The following SERGEF variants were observed in gnomAD, a reference collection of about 807,000 sequenced individuals.
SERGEF encodes the protein secretion-regulating guanine nucleotide exchange factor.
Under a neutral mutation model 50.0 loss-of-function variants are expected in SERGEF, and 51 were observed. That is an observed-to-expected ratio of 1.02 (90% confidence interval 0.81 to 1.29). The LOEUF (loss-of-function observed/expected upper bound fraction) is 1.29, where lower values mean the gene tolerates loss of function less well. SERGEF is among the 50% of genes most tolerant of loss of function. The pLI is 0.00. For synonymous variants in SERGEF, 205 were observed against 212.4 expected, an observed-to-expected ratio of 0.97 and a Z score of 0.30; for missense variants, 521 against 557.0, an observed-to-expected ratio of 0.94 and a Z score of 0.65.
chr11:17,825,550 T>C (rs1009256609), intron 10 of SERGEF, among the ~76,000 whole-genome samples: 6 of 152,222 alleles, frequency 3.9e-5, no homozygotes, highest in African/African-American at 1.4e-4. Context: ...TCCTGGAAAG[T>C]ACCATTTTCT....
chr11:18,008,403 C>G (rs1854127247), intron 1 of SERGEF, among the ~76,000 whole-genome samples: 1 of 152,144 alleles, frequency 6.6e-6, no homozygotes. Context: ...AGGTAGGCAC[C>G]CTGGCAGGCT....
At chr11:17,972,309 A>T (rs1853263864) in intron 8 of SERGEF, among the ~76,000 whole-genome samples, 1 of 152,224 alleles carries the variant, frequency 6.6e-6, no homozygotes, top group Non-Finnish European at 1.5e-5. Context: ...TTGTGAAAGG[A>T]AGAGTTCAAC....
At chr11:17,876,673 C>A (rs1227305463) in intron 10 of SERGEF, among the ~76,000 whole-genome samples, 1 of 152,236 alleles carries the variant, frequency 6.6e-6, no homozygotes, top group Non-Finnish European at 1.5e-5. Context: ...TCAGCTCAGC[C>A]TGCTGCTTTG....
chr11:17,882,170 C>T (rs1590174584), intron 9 of SERGEF, among the ~76,000 whole-genome samples: 1 of 152,306 alleles, frequency 6.6e-6, no homozygotes, highest in Non-Finnish European at 1.5e-5. Context: ...AATCCCAGCA[C>T]TTTGGGAGGC....
intron 8 of SERGEF, among the ~76,000 whole-genome samples, chr11:17,965,871 C>G (rs117263122): frequency 6.6e-6 from 1 of 152,220 alleles, no homozygotes; most frequent in South Asian, 2.1e-4. Flanking sequence ...AGCTCTAAGT[C>G]TTATCTGCAG....
intron 8 of SERGEF, among the ~76,000 whole-genome samples, chr11:17,982,863 T>A (rs548122864): frequency 3.9e-5 from 6 of 152,270 alleles, no homozygotes; most frequent in African/African-American, 1.4e-4. Flanking sequence ...CAAAAGGATA[T>A]AACCACAAAT....
chr11:18,013,024 G>C lies in SERGEF; in HGVS notation c.-14C>G, dbSNP rs1219382247. On this transcript the variant is annotated 5_prime_UTR_variant, in exon 1 of 11. Coordinates refer to ENST00000265965, the MANE Select transcript of SERGEF (RefSeq NM_012139.4). This position sits in a 1 kb window ranked among gnomAD's most constrained non-coding sequence, Gnocchi z 4.3. ...CTCGCGCTCCATGCGAGGACGCTCCGCCGGCGCTTCCGGGAGGGACGGCAC... is the reference window on the plus strand; with the variant it reads ...CTCGCGCTCCATGCGAGGACGCTCCCCCGGCGCTTCCGGGAGGGACGGCAC... 2 of 1,368,214 alleles carry C rather than the reference G, an allele frequency of 1.5e-6. No individual in the cohort carries two copies. The highest frequency in any genetic ancestry group is 3.1e-5 in the East Asian group (1 of 32,486). 84.8% of individuals were successfully genotyped at this position (1,368,214 alleles called of 1,614,324 possible). A position where few individuals can be genotyped will look rare whatever the true frequency, so the allele number is the denominator to read the frequency against.
At chr11:17,805,762 G>A in intron 10 of SERGEF, among the ~76,000 whole-genome samples, 1 of 152,170 alleles carries the variant, frequency 6.6e-6, no homozygotes. Context: ...CTGCTCTCCT[G>A]TGTGTGCTTC....
chr11:17,896,850 G>GGGGAAGGGAA (rs1851650310), intron 9 of SERGEF, among the ~76,000 whole-genome samples: 2 of 67,638 alleles, frequency 3.0e-5, no homozygotes, highest in East Asian at 9.0e-4. Context: ...GGGAAGGGAA[G>GGGGAAGGGAA]GGTAAGGGAA....
At chr11:17,988,341 C>G (rs917878697) in intron 8 of SERGEF, among the ~76,000 whole-genome samples, 1 of 152,204 alleles carries the variant, frequency 6.6e-6, no homozygotes, top group African/African-American at 2.4e-5. Flanking sequence ...TGCAATGGAT[C>G]CCTTCTCAAA....
At chr11:18,003,030 T>C (rs942926659) in intron 4 of SERGEF, among the ~76,000 whole-genome samples, 39 of 152,320 alleles carry the variant, frequency 2.6e-4, no homozygotes, top group Admixed American at 1.3e-4. Context: ...CTATTTGCAA[T>C]TGGGAGCTAT....
chr11:17,934,991 T>TA (rs1852424067), intron 9 of SERGEF, among the ~76,000 whole-genome samples: 1 of 152,178 alleles, frequency 6.6e-6, no homozygotes, highest in African/African-American at 2.4e-5. Flanking sequence ...TATAGGGCCC[T>TA]AGTGCTCCTG....
chr11:17,945,262 T>C (rs1444924343), intron 9 of SERGEF, among the ~76,000 whole-genome samples: 1 of 152,244 alleles, frequency 6.6e-6, no homozygotes, highest in Non-Finnish European at 1.5e-5. Flanking sequence ...GAAAGCACAA[T>C]ACAAATATAA....
intron 6 of SERGEF, among the ~76,000 whole-genome samples, chr11:17,995,164 C>A (rs559846386): frequency 6.6e-6 from 1 of 152,274 alleles, no homozygotes; most frequent in East Asian, 1.9e-4. Flanking sequence ...AAAATACAGA[C>A]CAAATGACCA....
intron 10 of SERGEF, among the ~76,000 whole-genome samples, chr11:17,800,344 T>C (rs1177036520): frequency 6.6e-6 from 1 of 152,186 alleles, no homozygotes; most frequent in Non-Finnish European, 1.5e-5. Context: ...GATCTTGGTG[T>C]TGTACATTAT....
At chr11:17,836,572 T>C (rs1171442910) in intron 10 of SERGEF, among the ~76,000 whole-genome samples, 1 of 152,180 alleles carries the variant, frequency 6.6e-6, no homozygotes, top group Non-Finnish European at 1.5e-5. Context: ...ACCCTCAACA[T>C]GCCACACAAA....
At chr11:18,009,241 C>T (rs1160592567) in intron 1 of SERGEF, among the ~76,000 whole-genome samples, 1 of 152,206 alleles carries the variant, frequency 6.6e-6, no homozygotes, top group South Asian at 2.1e-4. Flanking sequence ...TATATGCTCC[C>T]ATATTTAGAT....
chr11:17,963,977 T>C (rs1169897206), intron 8 of SERGEF, among the ~76,000 whole-genome samples: 1 of 151,746 alleles, frequency 6.6e-6, no homozygotes, highest in Non-Finnish European at 1.5e-5. Flanking sequence ...AGAATAGAAG[T>C]CATAGGAAAA....
At chr11:17,789,584 C>T (rs576912855) in intron 10 of SERGEF, among the ~76,000 whole-genome samples, 55 of 152,206 alleles carry the variant, frequency 3.6e-4, no homozygotes, top group Non-Finnish European at 6.9e-4. Flanking sequence ...TAAAAAAAAT[C>T]TTCTGGACAT....
Sources: gnomAD v4.1 joint callset for allele counts (sites outside exome capture counted in the v4.1 genomes callset) on GRCh38, gnomAD v4.1.1 for gene constraint, Gnocchi (gnomAD v3.1) non-coding constraint, MANE v1.5 for transcripts, NCBI Gene and HGNC (gene_info 2026-07-23, HGNC 2026-07-21) for gene names.